Variants in PI4KA observed in about 807,000 individuals in gnomAD.
The protein encoded by PI4KA is PI4-kinase alpha.
In PI4KA, 122 loss-of-function variants were observed where a neutral mutation model predicts 271.4. The observed-to-expected ratio is 0.45, with a 90% CI of 0.39 to 0.52. The LOEUF (loss-of-function observed/expected upper bound fraction) is 0.52. Among genes scored for constraint, PI4KA ranks in the 20% least tolerant of loss-of-function variants. The probability of loss-of-function intolerance (pLI) is 0.00; values close to 1 mark genes in which losing one functional copy is unlikely to be tolerated. For synonymous variants in PI4KA, 1,041 were observed against 1,078.8 expected (o/e 0.96, Z 0.69); for missense variants, 1,969 against 2,769.1 (o/e 0.71, Z 6.48).
chr22:20,839,053 C>T (rs1925234660), intron 1 of PI4KA, among the ~76,000 whole-genome samples: 1 of 152,156 alleles, frequency 6.6e-6, no homozygotes, highest in Non-Finnish European at 1.5e-5. Context: ...CCCATCTCTA[C>T]TAAAAATACA....
intron 19 of PI4KA, chr22:20,779,979 G>A (rs1252552768): frequency 1.2e-6 from 2 of 1,614,164 alleles, no homozygotes; most frequent in East Asian, 2.2e-5. Flanking sequence ...GTCAGTCAAT[G>A]ACCTTTATAT....
chr22:20,796,521 G>C (rs952265146), intron 17 of PI4KA, among the ~76,000 whole-genome samples: 12 of 152,220 alleles, frequency 7.9e-5, no homozygotes, highest in Non-Finnish European at 1.6e-4. Flanking sequence ...GCCAACTGAT[G>C]CAGAAATGAC....
chr22:20,750,510 G>C (rs529519346), intron 27 of PI4KA, among the ~76,000 whole-genome samples: 2 of 152,208 alleles, frequency 1.3e-5, no homozygotes, highest in Non-Finnish European at 2.9e-5. Context: ...AAGGCCCCTG[G>C]GGCCAGGAAG....
At chr22:20,847,836 AAAG>A (rs1926460894) in intron 1 of PI4KA, among the ~76,000 whole-genome samples, 2 of 152,228 alleles carry the variant, frequency 1.3e-5, no homozygotes, top group East Asian at 1.9e-4. Flanking sequence ...AATAAAAACA[AAAG>A]AAGTGCAAAA....
At chr22:20,735,445 G>A (rs1456222698) in intron 32 of PI4KA, among the ~76,000 whole-genome samples, 163 of 146,712 alleles carry the variant, frequency 1.1e-3, no homozygotes, top group African/African-American at 4.1e-3. Context: ...CTCATGAGGT[G>A]GATCAGGGTG....
chr22:20,834,579 G>A lies in PI4KA; in HGVS notation c.350C>T (p.Thr117Ile). The A allele has an allele frequency of 6.2e-7, 1 of 1,603,462 alleles. No individual in the cohort carries two copies. Among genetic ancestry groups the A allele is most frequent in the East Asian group, 2.2e-5 (1 of 44,832 alleles). The change falls in exon 3 of 55, where the codon ACA (threonine) becomes ATA (isoleucine). Residue 117 changes from threonine (T) to isoleucine (I), a missense_variant. This residue lies in a region of PI4KA where 540 missense variants were observed against 555.5 expected (regional missense o/e 0.97). Coordinates refer to ENST00000255882, the MANE Select transcript of PI4KA (RefSeq NM_058004.4). Reference protein sequence around the residue: ...LPKVYWVEESTARKGRGALPV... With the variant: ...LPKVYWVEESIARKGRGALPV... ...ACAATTACCTCTGCCTTTCCGAGCT[G>A]TGCTTTCTTCTACCCAATACACTTT...
rs1286299774 is a variant in PI4KA, at chr22:20,751,543, C to T, written c.3069+131G>A. The T allele has an allele frequency of 8.3e-6, 8 of 963,014 alleles. No individual in the cohort carries two copies. In the African/African-American group the frequency reaches 9.7e-5, roughly 12 times the overall value. 59.7% of individuals were successfully genotyped at this position (963,014 alleles called of 1,614,324 possible). Reference sequence around the variant, plus strand: ...GATTTGGGCCCCCTCACCCCCAACTCGACACCTGTAGCATTAATTATGTTC... The same window carrying T: ...GATTTGGGCCCCCTCACCCCCAACTTGACACCTGTAGCATTAATTATGTTC... On this transcript the variant is annotated intron_variant, in intron 26 of 54. Coordinates refer to ENST00000255882, the MANE Select transcript of PI4KA (RefSeq NM_058004.4).
intron 23 of PI4KA, among the ~76,000 whole-genome samples, chr22:20,754,646 T>G (rs907879269): frequency 6.6e-6 from 1 of 152,194 alleles, no homozygotes; most frequent in African/African-American, 2.4e-5. Context: ...CCCTCAATTC[T>G]TTCTACTTTT....
intron 19 of PI4KA, chr22:20,779,845 A>G: frequency 6.2e-7 from 1 of 1,614,192 alleles, no homozygotes; most frequent in Non-Finnish European, 8.5e-7. Context: ...GAACAAGTGC[A>G]CTCGATTTTG....
chr22:20,832,276 C>A (rs535257585), intron 3 of PI4KA, among the ~76,000 whole-genome samples: 1 of 150,948 alleles, frequency 6.6e-6, no homozygotes, highest in East Asian at 2.0e-4. Flanking sequence ...GCCACCACAC[C>A]CAGCCGATTT....
At chr22:20,743,957 G>C (rs1929764822) in intron 30 of PI4KA, among the ~76,000 whole-genome samples, 2 of 152,142 alleles carry the variant, frequency 1.3e-5, no homozygotes, top group Admixed American at 1.3e-4. Context: ...GGGAGGCTGA[G>C]GCAGGAGAAT....
intron 1 of PI4KA, among the ~76,000 whole-genome samples, chr22:20,841,902 G>T (rs2147787142): frequency 6.6e-6 from 1 of 152,272 alleles, no homozygotes; most frequent in South Asian, 2.1e-4. Flanking sequence ...AATGTGGGCA[G>T]CTCTAGGAGC....
chr22:20,719,919 G>A (rs1420930936), intron 43 of PI4KA, among the ~76,000 whole-genome samples: 5 of 151,644 alleles, frequency 3.3e-5, no homozygotes, highest in East Asian at 2.0e-4. Context: ...CCAGCTACTC[G>A]GGAGGCTGAG....
chr22:20,772,745 A>G lies in PI4KA; in HGVS notation c.2329-7052T>C, dbSNP rs117357866. On this transcript the variant is annotated intron_variant, in intron 19 of 54. Transcript: ENST00000255882. The stretch of plus-strand genomic sequence containing the variant: ...AAGCTGATCTTCCAGACAATCCAGA[A>G]TATTCTTAAAACTTTTTAGATCATA... Among the ~76,000 whole-genome samples, 1,153 of 152,326 alleles carry G rather than the reference A, an allele frequency of 7.6e-3. 11 individuals are homozygous for G. Among genetic ancestry groups the G allele is most frequent in the East Asian group, 0.055 (285 of 5,186 alleles).
chr22:20,746,057 A>G lies in PI4KA; in HGVS notation c.3364-1337T>C, dbSNP rs1157404885. ...TTTCATCAAAAAAAAAAAAAAAAAA[A>G]AGAATTTTTTTTTTTTTTTTTTTGA... On this transcript the variant is annotated intron_variant, in intron 29 of 54. Transcript: ENST00000255882. Among the ~76,000 whole-genome samples, 356 of 137,712 alleles carry G rather than the reference A, an allele frequency of 2.6e-3. 14 individuals are homozygous for G. The East Asian group carries it at 0.062, about 24-fold the overall frequency. 90.3% of individuals were successfully genotyped at this position (137,712 alleles called of 152,430 possible). A position where few individuals can be genotyped will look rare whatever the true frequency, so the allele number is the denominator to read the frequency against.
rs545759952 is a variant in PI4KA, at chr22:20,818,862, T to C, written c.790-313A>G. ...GGCACCAACTGTCTTCCAGGCAAAA[T>C]AGCATTTGGCACCCAACTGCTATGA... is the stretch of plus-strand genomic sequence containing the variant. On this transcript the variant is annotated intron_variant, in intron 6 of 54. Transcript: ENST00000255882. Among the ~76,000 whole-genome samples, 19 of 152,326 alleles carry C rather than the reference T, an allele frequency of 1.2e-4. No individual in the cohort carries two copies. In the East Asian group the frequency reaches 2.5e-3, roughly 20 times the overall value.
rs371870886 is a variant in PI4KA at position 20,779,054 on chromosome 22, T to TA, written c.2329-13362dup. The TA allele has an allele frequency of 2.6e-4, 233 of 886,892 alleles. No individual in the cohort carries two copies. The African/African-American group carries it at 2.7e-3, about 10-fold the overall frequency. The allele number at this position is 886,892 out of a possible 1,614,324, so 54.9% of individuals were successfully genotyped here. A position where few individuals can be genotyped will look rare whatever the true frequency, so the allele number is the denominator to read the frequency against. ...CTAGAAGGTTAGTTTTGCAAACCTT[T>TA]AAAGAAGGGATTTTCATCAAGGGGC... On this transcript the variant is annotated intron_variant, in intron 19 of 54. Coordinates refer to ENST00000255882, the MANE Select transcript of PI4KA (RefSeq NM_058004.4).
intron 53 of PI4KA, 145 bp from the exon 54 acceptor site, chr22:20,709,524 T>A: frequency 3.0e-6 from 2 of 666,260 alleles, no homozygotes; most frequent in Non-Finnish European, 5.5e-6. Flanking sequence ...TGTTGGAAGA[T>A]GGGGTGCTGT....
chr22:20,732,959 G>T lies in PI4KA; in HGVS notation c.4288+12C>A, dbSNP rs924367685. On this transcript the variant is annotated intron_variant, in intron 36 of 54. Transcript: ENST00000255882. ...TGCCTCCACCATGAGCAGCTGCACT[G>T]TTGAGGGTTACCTGGGGGAACAAGC... is the stretch of plus-strand genomic sequence containing the variant. 2 of 1,611,388 alleles carry T rather than the reference G, an allele frequency of 1.2e-6. No individual in the cohort carries two copies. Among genetic ancestry groups the T allele is most frequent in the Non-Finnish European group, 8.5e-7 (1 of 1,179,314 alleles).
Sources: gnomAD v4.1 joint callset for allele counts (sites outside exome capture counted in the v4.1 genomes callset) on GRCh38, gnomAD v4.1.1 for gene constraint, gnomAD v4.1.1 regional missense constraint, MANE v1.5 for transcripts, NCBI Gene and HGNC (gene_info 2026-07-23, HGNC 2026-07-21) for gene names.